Variants in ANKS1A observed in about 807,000 individuals in gnomAD.
ANKS1A encodes ankyrin repeat and SAM domain-containing protein 1A.
ANKS1A carries 55 observed loss-of-function variants against 120.3 expected under a neutral mutation model. The observed-to-expected ratio is 0.46, with a 90% CI of 0.37 to 0.57. The LOEUF is 0.57. Among genes scored for constraint, ANKS1A ranks in the 20% least tolerant of loss-of-function variants. The probability of loss-of-function intolerance (pLI) is 0.00; values close to 1 mark genes in which losing one functional copy is unlikely to be tolerated. For synonymous variants in ANKS1A, 590 were observed against 604.7 expected (o/e 0.98, Z 0.36); for missense variants, 1,123 against 1,480.3 (o/e 0.76, Z 3.96).
At chr6:35,069,057 T>C (rs1486450142) in intron 13 of ANKS1A, among the ~76,000 whole-genome samples, 1 of 152,226 alleles carries the variant, frequency 6.6e-6, no homozygotes, top group East Asian at 1.9e-4. Flanking sequence ...ATCACAAGAC[T>C]CAAGCCTTCC....
At chr6:35,093,346 G>C (rs898672639), downstream of ANKS1A, among the ~76,000 whole-genome samples, 5 of 152,006 alleles carry the variant, frequency 3.3e-5, no homozygotes, top group Admixed American at 2.6e-4. Context: ...ATAAATTCCA[G>C]ATGGCTCACA....
intron 8 of ANKS1A, among the ~76,000 whole-genome samples, chr6:34,987,539 A>C (rs1388805276): frequency 6.6e-6 from 1 of 152,196 alleles, no homozygotes; most frequent in East Asian, 1.9e-4. Context: ...GGAGCAAAGA[A>C]GGGTGGGGAA....
chr6:35,014,429 C>T (rs114195403), intron 10 of ANKS1A, among the ~76,000 whole-genome samples: 7 of 152,266 alleles, frequency 4.6e-5, no homozygotes, highest in South Asian at 2.1e-4. Context: ...TTCCTTCCTC[C>T]GTAAGTTTCC....
At chr6:35,015,197 T>C (rs1201512528) in intron 10 of ANKS1A, among the ~76,000 whole-genome samples, 2 of 152,100 alleles carry the variant, frequency 1.3e-5, no homozygotes, top group Admixed American at 1.3e-4. Flanking sequence ...AGTCCCAAAG[T>C]GGTCAAGTGT....
rs199943267 is a variant in ANKS1A, at chr6:35,082,725, C to G, written c.2744C>G (p.Pro915Arg). ...EHREAKLTLR[P>R]PSLAAPYAPV... is the part of the protein sequence containing the mutation. ...CGTGAGGCCAAGCTGACCCTGCGGC[C>G]CCCGAGCCTGGCAGCCCCCTACGCC... Residue 915 changes from proline (P) to arginine (R), a missense_variant, in exon 18 of 24, where the codon CCC becomes CGC. Physicochemically the swap from Pro to Arg is moderately radical, Grantham distance 103. Coordinates refer to ENST00000360359, the MANE Select transcript of ANKS1A (RefSeq NM_015245.3). The surrounding 1 kb of genome is among the most constrained non-coding windows in gnomAD (Gnocchi z 4.1). The G allele has an allele frequency of 1.9e-6, 3 of 1,612,684 alleles. No individual in the cohort carries two copies. In the Admixed American group the frequency reaches 5.0e-5, roughly 27 times the overall value.
intron 3 of ANKS1A, 108 bp from the exon 4 acceptor site, chr6:34,981,582 G>A: frequency 8.3e-7 from 1 of 1,209,380 alleles, no homozygotes; most frequent in Non-Finnish European, 1.2e-6. Context: ...CCCAAGTGTT[G>A]CTGCTATTTT....
intron 1 of ANKS1A, among the ~76,000 whole-genome samples, chr6:34,949,021 C>T (rs1246220293): frequency 6.6e-6 from 1 of 152,200 alleles, no homozygotes; most frequent in Non-Finnish European, 1.5e-5. Flanking sequence ...TCTGTTTCCT[C>T]ATCCGTAAAG....
At chr6:34,933,491 C>G (rs1769099920) in intron 1 of ANKS1A, among the ~76,000 whole-genome samples, 1 of 152,226 alleles carries the variant, frequency 6.6e-6, no homozygotes. Flanking sequence ...CTGCCTCAGC[C>G]TCCCAAGTAG....
chr6:34,978,934 C>T lies in ANKS1A; in HGVS notation c.436-2756C>T, dbSNP rs543534579. 4.6e-5 allele frequency among the ~76,000 whole-genome samples: 7 copies of T among 151,498 alleles called. No homozygotes were observed. In the East Asian group the frequency reaches 7.8e-4, roughly 17 times the overall value. On this transcript the variant is annotated intron_variant, in intron 3 of 23. Coordinates refer to ENST00000360359, the MANE Select transcript of ANKS1A (RefSeq NM_015245.3). ...TTTTTGAGATGGAGTCTTGTTCTGTCGCCCAGGCTGGAGTGCAGTGGCGCA... is the reference window on the plus strand; with the variant it reads ...TTTTTGAGATGGAGTCTTGTTCTGTTGCCCAGGCTGGAGTGCAGTGGCGCA...
chr6:34,943,619 C>T (rs946411403), intron 1 of ANKS1A, among the ~76,000 whole-genome samples: 1 of 152,212 alleles, frequency 6.6e-6, no homozygotes, highest in African/African-American at 2.4e-5. Flanking sequence ...ATGGCAGGCA[C>T]TGATCTTCTT....
At position 34,981,814 on chromosome 6, in the gene ANKS1A, A is replaced by G; in HGVS notation, c.560A>G (p.Asp187Gly). The change falls in exon 4 of 24, where the codon GAC becomes GGC. Residue 187 changes from aspartate (D) to glycine (G), a missense_variant. This residue lies in a region of ANKS1A where 146 missense variants were observed against 267.8 expected (regional missense o/e 0.55). Transcript: ENST00000360359. The part of the protein sequence containing the change: ...MRNNKFETPL[D>G]LAALYGRLEV... The stretch of plus-strand genomic sequence containing the variant: ...AACAACAAATTCGAGACCCCTTTGG[A>G]CCTGGCAGCACTGTACGGGCGACTG... 1 of 1,614,090 alleles carries G rather than the reference A, an allele frequency of 6.2e-7. No individual in the cohort carries two copies. The highest frequency in any genetic ancestry group is 8.5e-7 in the Non-Finnish European group (1 of 1,180,012).
At chr6:34,898,184 C>A (rs1166814524) in intron 1 of ANKS1A, among the ~76,000 whole-genome samples, 2 of 152,194 alleles carry the variant, frequency 1.3e-5, no homozygotes, top group Non-Finnish European at 2.9e-5. Context: ...AAGGACATAT[C>A]TTTTATTGAT....
chr6:34,891,714 G>A (rs960444647), intron 1 of ANKS1A, among the ~76,000 whole-genome samples: 1 of 151,774 alleles, frequency 6.6e-6, no homozygotes, highest in Non-Finnish European at 1.5e-5. Flanking sequence ...TGCAACCTTC[G>A]CCTTCCTGGG....
chr6:34,982,876 T>C lies in ANKS1A; in HGVS notation c.808+49T>C. On this transcript the variant is annotated intron_variant, in intron 5 of 23. Coordinates refer to ENST00000360359, the MANE Select transcript of ANKS1A (RefSeq NM_015245.3). The surrounding 1 kb of genome is among the most constrained non-coding windows in gnomAD (Gnocchi z 4.9). ...TCTACACAGCGTGCCAGGGTTGGGA[T>C]TGTTTCTCCCTAGTCCCCTAGGGGG... The C allele has an allele frequency of 6.2e-7, 1 of 1,611,960 alleles. No homozygotes were observed. The highest frequency in any genetic ancestry group is 1.7e-4 in the Middle Eastern group (1 of 6,006).
intron 10 of ANKS1A, among the ~76,000 whole-genome samples, chr6:35,004,862 T>C (rs572022637): frequency 1.3e-5 from 2 of 152,390 alleles, no homozygotes; most frequent in South Asian, 2.1e-4. Context: ...TCAGACCATT[T>C]GTTATCTTTA....
Position 34,903,236 on chromosome 6 carries a change from A to C in ANKS1A, c.197+13637A>C, listed in dbSNP as rs1767450513. 2.0e-5 allele frequency among the ~76,000 whole-genome samples: 3 copies of C among 152,002 alleles called. No homozygotes were observed. The East Asian group carries it at 5.8e-4, about 30-fold the overall frequency. ...TCTGTCTTCTGTGTTTTTTATCCTA[A>C]TATTGTTACTTTCAAATTGGCTCAT... On this transcript the variant is annotated intron_variant, in intron 1 of 23. Transcript: ENST00000360359.
At chr6:34,910,527 A>G (rs1186810254) in intron 1 of ANKS1A, among the ~76,000 whole-genome samples, 3 of 152,130 alleles carry the variant, frequency 2.0e-5, no homozygotes, top group East Asian at 1.9e-4. Flanking sequence ...CACTACTACT[A>G]CACTCCAGCC....
At position 35,081,087 on chromosome 6, in the gene ANKS1A, A is replaced by G. The variant is rs530764134; in HGVS notation, c.2638A>G (p.Thr880Ala). 7 of 1,613,910 alleles carry G rather than the reference A, an allele frequency of 4.3e-6. No individual in the cohort carries two copies. The South Asian group carries it at 5.5e-5, about 13-fold the overall frequency. The change falls in exon 17 of 24, where the codon ACA becomes GCA. Residue 880 changes from threonine to alanine, a missense_variant. By Grantham distance (58) the Thr-to-Ala change is moderately conservative (BLOSUM62 0). Coordinates refer to ENST00000360359, the MANE Select transcript of ANKS1A (RefSeq NM_015245.3). ...SADLLLPPGDTGRRRHDSLHD... is the reference protein window; with the variant it reads ...SADLLLPPGDAGRRRHDSLHD... ...AGATCTGCTGCTGCCTCCAGGGGAC[A>G]CAGGCAGGAGGCGCCATGACAGTCT...
At chr6:35,019,727 A>G (rs1165294763) in intron 11 of ANKS1A, among the ~76,000 whole-genome samples, 2 of 152,180 alleles carry the variant, frequency 1.3e-5, no homozygotes, top group African/African-American at 4.8e-5. Context: ...GCTATAGGAA[A>G]ACTTCAAGAT....
Sources: allele counts gnomAD v4.1 joint callset (sites outside exome capture counted in the v4.1 genomes callset), GRCh38; gene constraint gnomAD v4.1.1; regional missense constraint gnomAD v4.1.1; non-coding constraint Gnocchi (gnomAD v3.1); transcripts MANE v1.5; gene names NCBI Gene and HGNC (gene_info 2026-07-23, HGNC 2026-07-21).